The following VPS13C variants were observed in gnomAD, a reference collection of about 807,000 sequenced individuals.
VPS13C encodes the protein vacuolar protein sorting 13 homolog C.
VPS13C carries 358 observed loss-of-function variants against 456.8 expected under a neutral mutation model. The ratio of observed to expected loss-of-function variants is 0.78; its 90% CI spans 0.72 to 0.86. VPS13C has a LOEUF of 0.86. VPS13C is among the 40% of genes least tolerant of loss of function. VPS13C has a pLI of 0.00. For missense variants in VPS13C, 4,818 were observed against 4,385.4 expected, an observed-to-expected ratio of 1.10 and a Z score of -2.79; for synonymous variants, 1,578 against 1,486.7, an observed-to-expected ratio of 1.06 and a Z score of -1.41.
intron 66 of VPS13C, among the ~76,000 whole-genome samples, chr15:61,896,261 A>C (rs1566977466): frequency 6.6e-6 from 1 of 152,208 alleles, no homozygotes; most frequent in Non-Finnish European, 1.5e-5. Context: ...AGATGGCCGA[A>C]TAGGAACAGC....
intron 37 of VPS13C, 38 bp from the exon 38 acceptor site, chr15:61,954,592 A>C: frequency 6.4e-7 from 1 of 1,551,968 alleles, no homozygotes; most frequent in South Asian, 1.3e-5. Flanking sequence ...TTTTATTCAC[A>C]AATTTCTTCC....
chr15:61,901,840 T>C (rs1169578373), intron 66 of VPS13C, among the ~76,000 whole-genome samples: 3 of 152,160 alleles, frequency 2.0e-5, no homozygotes, highest in South Asian at 2.1e-4. Flanking sequence ...TTATTCACAA[T>C]AGCAAAGACT....
chr15:61,936,655 C>A lies in VPS13C; in HGVS notation c.5697G>T (p.Val1899=), dbSNP rs759711948. ...ASSQPSPTQS[V]QETVRVRKVD... ...CTTTTCTCACTCTTACAGTCTCCTG[C>A]ACAGACTGTGTAGGGCTTGGTTGTG... is the stretch of plus-strand genomic sequence containing the variant. Residue 1899 remains valine, a synonymous_variant, in exon 48 of 85, where the codon GTG becomes GTT. Transcript: ENST00000644861. 1 of 1,611,906 alleles carries A rather than the reference C, an allele frequency of 6.2e-7. No homozygotes were observed.
Position 61,991,683 on chromosome 15 carries a change from C to A in VPS13C, c.1473G>T (p.Leu491Phe). 1 of 1,611,382 alleles carries A rather than the reference C, an allele frequency of 6.2e-7. No individual in the cohort carries two copies. Among genetic ancestry groups the A allele is most frequent in the South Asian group, 1.1e-5 (1 of 90,294 alleles). ...TGACTTGGAACTTACTTTCAGGAAT[C>A]AATGATTCTTCGTCCTTTTTCTTAG... ...KESKKKDEES[L>F]IPETIDDLMT... Residue 491 changes from leucine (L) to phenylalanine (F), a missense_variant, in exon 17 of 85, where the codon TTG (leucine) becomes TTT (phenylalanine). This residue lies in a region of VPS13C where 4,552 missense variants were observed against 4,130.6 expected (regional missense o/e 1.10). Coordinates refer to ENST00000644861, the MANE Select transcript of VPS13C (RefSeq NM_020821.3).
intron 60 of VPS13C, among the ~76,000 whole-genome samples, 183 bp from the exon 61 acceptor site, chr15:61,916,205 A>G (rs1596327141): frequency 1.3e-5 from 2 of 152,166 alleles, no homozygotes; most frequent in Admixed American, 1.3e-4. Flanking sequence ...AAAACGCTAC[A>G]CCATAGCCAC....
intron 66 of VPS13C, among the ~76,000 whole-genome samples, chr15:61,905,738 T>C (rs2043135673): frequency 6.6e-6 from 1 of 152,174 alleles, no homozygotes; most frequent in Non-Finnish European, 1.5e-5. Context: ...CCTTTCTCAC[T>C]GATTTGAGTT....
At chr15:61,962,653 A>G in intron 33 of VPS13C, 96 bp downstream of exon 33, 2 of 1,307,600 alleles carry the variant, frequency 1.5e-6, no homozygotes, top group East Asian at 2.6e-5. Flanking sequence ...CTATTGAAAT[A>G]TATTTCATTA....
In VPS13C at chr15:61,909,077, T is replaced by C. The variant is rs749258681; in HGVS notation, c.8893A>G (p.Ile2965Val). 10 of 1,613,842 alleles carry C rather than the reference T, an allele frequency of 6.2e-6. No individual in the cohort carries two copies. In the Admixed American group the frequency reaches 1.5e-4, roughly 24 times the overall value. The change falls in exon 65 of 85, where the codon ATA (isoleucine) becomes GTA (valine). Residue 2965 changes from isoleucine to valine, a missense_variant. Coordinates refer to ENST00000644861, the MANE Select transcript of VPS13C (RefSeq NM_020821.3). ...DVNTAEHSTV[I>V]TFSDYHEGSA... The stretch of plus-strand genomic sequence containing the variant: ...CCCTCATGGTAATCAGAAAAAGTTA[T>C]GACAGTTGAATGTTCGGCAGTGTTT...
intron 1 of VPS13C, among the ~76,000 whole-genome samples, chr15:62,049,368 C>G (rs1464074493): frequency 6.6e-6 from 1 of 152,194 alleles, no homozygotes; most frequent in Non-Finnish European, 1.5e-5. Context: ...GGAATCCTTT[C>G]CCCATTGCTT....
At chr15:61,956,763 T>C (rs1164004092) in intron 37 of VPS13C, among the ~76,000 whole-genome samples, 1 of 152,100 alleles carries the variant, frequency 6.6e-6, no homozygotes, top group Non-Finnish European at 1.5e-5. Flanking sequence ...TGCCTATCTA[T>C]CAGAATGCTA....
chr15:61,955,337 TG>T (rs1391294206), intron 37 of VPS13C, among the ~76,000 whole-genome samples: 3 of 152,158 alleles, frequency 2.0e-5, no homozygotes, highest in African/African-American at 7.2e-5. Flanking sequence ...CCTTGCTCAG[TG>T]TCGCACAAAT....
chr15:62,032,293 T>G (rs12913358), intron 5 of VPS13C, among the ~76,000 whole-genome samples: 8,950 of 151,792 alleles, frequency 0.059, 329 homozygotes, highest in Non-Finnish European at 0.084. Flanking sequence ...AAACCATTCT[T>G]GGCTTGCTTT....
At chr15:61,901,245 A>C (rs372958285) in intron 66 of VPS13C, among the ~76,000 whole-genome samples, 3 of 152,150 alleles carry the variant, frequency 2.0e-5, no homozygotes, top group East Asian at 1.9e-4. Context: ...GCAACAAAAG[A>C]CAAAATTGAC....
rs1288459364 is a variant in VPS13C at position 61,880,601 on chromosome 15, C to G, written c.10002+8G>C. On this transcript the variant is annotated splice_region_variant and intron_variant, in intron 73 of 84. Coordinates refer to ENST00000644861, the MANE Select transcript of VPS13C (RefSeq NM_020821.3). ...CACTAAATTTTCAAAATAATAATTA[C>G]AACAAACCTTCACAGGAGAAATATG... 6.5e-7 allele frequency: 1 copy of G among 1,535,996 alleles called. No homozygotes were observed. The highest frequency in any genetic ancestry group is 2.3e-5 in the East Asian group (1 of 43,762).
chr15:61,875,942 T>G (rs1895392331), intron 75 of VPS13C, 97 bp from the exon 76 acceptor site: 2 of 862,104 alleles, frequency 2.3e-6, no homozygotes, highest in South Asian at 4.0e-5. Context: ...AAAATTAAGT[T>G]TGTGTTAAAA....
At chr15:62,058,573 A>T (rs35785804) in intron 1 of VPS13C, among the ~76,000 whole-genome samples, 1 of 152,206 alleles carries the variant, frequency 6.6e-6, no homozygotes, top group African/African-American at 2.4e-5. Context: ...AGAGATGACC[A>T]AAAGTATACA....
chr15:62,010,684 C>G, intron 12 of VPS13C, 85 bp from the exon 13 acceptor site: 2 of 1,293,132 alleles, frequency 1.5e-6, no homozygotes, highest in East Asian at 2.7e-5. Context: ...CACTGTTACT[C>G]TAGAAGTAAA....
chr15:61,922,424 C>T lies in VPS13C; in HGVS notation c.6948G>A (p.Met2316Ile), dbSNP rs747439627. ...SGNIKNWTSL[M>I]AAVADVTLQV... ...GTAGTGTCACGTCAGCAACAGCAGC[C>T]ATTAGAGAAGTCCAATTTTTAATAT... Residue 2316 changes from methionine (M) to isoleucine (I), a missense_variant, in exon 54 of 85, where the codon ATG (methionine) becomes ATA (isoleucine). This residue lies in a region of VPS13C where 4,552 missense variants were observed against 4,130.6 expected (regional missense o/e 1.10). Coordinates refer to ENST00000644861, the MANE Select transcript of VPS13C (RefSeq NM_020821.3). 1.2e-6 allele frequency: 2 copies of T among 1,613,668 alleles called. No homozygotes were observed. The highest frequency in any genetic ancestry group is 1.7e-6 in the Non-Finnish European group (2 of 1,179,756).
chr15:61,958,764 A>G, intron 36 of VPS13C, 48 bp from the exon 37 acceptor site: 1 of 984,816 alleles, frequency 1.0e-6, no homozygotes, highest in African/African-American at 1.7e-5. Context: ...TTTTAAAATG[A>G]AACAATTTTA....
Sources: gnomAD v4.1 joint callset for allele counts (sites outside exome capture counted in the v4.1 genomes callset) on GRCh38, gnomAD v4.1.1 for gene constraint, gnomAD v4.1.1 regional missense constraint, MANE v1.5 for transcripts, NCBI Gene and HGNC (gene_info 2026-07-23, HGNC 2026-07-21) for gene names.